The following RBM10 variants were observed in gnomAD, a reference collection of about 807,000 sequenced individuals.
The protein encoded by RBM10 is RNA-binding protein 10.
In RBM10, 1 loss-of-function variant was observed where a neutral mutation model predicts 84.9. The observed-to-expected ratio is 0.01, with a 90% CI of 0.00 to 0.06. The LOEUF (loss-of-function observed/expected upper bound fraction) is 0.06. Ranked by LOEUF, RBM10 falls within the 10% of genes least tolerant of loss-of-function variation. The probability of loss-of-function intolerance (pLI) is 1.00; values close to 1 mark genes in which losing one functional copy is unlikely to be tolerated. For missense variants in RBM10, 438 were observed against 839.0 expected, an observed-to-expected ratio of 0.52 and a Z score of 5.90; for synonymous variants, 326 against 344.5, an observed-to-expected ratio of 0.95 and a Z score of 0.60.
intron 7 of RBM10, among the ~76,000 whole-genome samples, chrX:47,177,935 T>C (rs1418626003): frequency 9.0e-6 from 1 of 111,570 alleles, no homozygotes; most frequent in Non-Finnish European, 1.9e-5. Context: ...GGGAATTCTC[T>C]TGAACTCCTT....
intron 2 of RBM10, among the ~76,000 whole-genome samples, chrX:47,154,490 C>T (rs1181858837): frequency 9.3e-6 from 1 of 107,154 alleles, no homozygotes; most frequent in Non-Finnish European, 1.9e-5. Flanking sequence ...CTCACTCTGT[C>T]TTCCAGGCTG....
intron 17 of RBM10, 141 bp downstream of exon 17, chrX:47,182,467 T>C: frequency 3.3e-6 from 3 of 920,646 alleles, no homozygotes; most frequent in Non-Finnish European, 4.6e-6. Flanking sequence ...CAGACCATGC[T>C]CTTGCCCCAG....
intron 6 of RBM10, among the ~76,000 whole-genome samples, chrX:47,175,861 A>T (rs1935096184): frequency 9.1e-6 from 1 of 109,787 alleles, no homozygotes. Context: ...ACCCCTGCCC[A>T]GATCCCTGGT....
chrX:47,186,627 G>A lies in RBM10; in HGVS notation c.*28G>A, dbSNP rs782456958. The A allele has an allele frequency of 4.2e-5, 51 of 1,209,011 alleles. No individual in the cohort carries two copies. Among genetic ancestry groups the A allele is most frequent in the Non-Finnish European group, 5.5e-5 (49 of 894,462 alleles). On this transcript the variant is annotated 3_prime_UTR_variant, in exon 24 of 24. Coordinates refer to ENST00000377604, the MANE Select transcript of RBM10 (RefSeq NM_005676.5). ...AGCTTCAAGAGCAACTTCTCCACAT[G>A]TTGGGTGTCCATCCTGGGGCAGGGA... is the stretch of plus-strand genomic sequence containing the variant.
At chrX:47,172,723 G>A (rs1556773932) in intron 4 of RBM10, among the ~76,000 whole-genome samples, 7 of 112,173 alleles carry the variant, frequency 6.2e-5, no homozygotes, top group African/African-American at 3.2e-5. Context: ...GCGGGGGTGC[G>A]GGTTATCCCC....
rs959879982 is a variant in RBM10 at position 47,172,616 on chromosome X, G to A, written c.433-512G>A. Among the ~76,000 whole-genome samples, 3 of 112,641 alleles carry A rather than the reference G, an allele frequency of 2.7e-5. No individual in the cohort carries two copies. In the South Asian group the frequency reaches 1.1e-3, roughly 41 times the overall value. On this transcript the variant is annotated intron_variant, in intron 4 of 23. Coordinates refer to ENST00000377604, the MANE Select transcript of RBM10 (RefSeq NM_005676.5). ...GTTATTGCTACAGTCATGGTCTAGG[G>A]CACATGGCTGGGATTTGCTCAGACT...
intron 5 of RBM10, 124 bp downstream of exon 5, chrX:47,173,321 C>T: frequency 1.1e-5 from 13 of 1,157,485 alleles, no homozygotes; most frequent in African/African-American, 1.8e-5. Flanking sequence ...GAATGGGCAG[C>T]GTGGGGGGTG....
chrX:47,149,817 A>ATTTT (rs1219884284), intron 2 of RBM10, among the ~76,000 whole-genome samples: 4 of 86,066 alleles, frequency 4.6e-5, no homozygotes, highest in Admixed American at 2.7e-4. Flanking sequence ...TGCTAGCATC[A>ATTTT]TTTTTTTTTT....
At chrX:47,145,516 G>A (rs1932040403) in intron 1 of RBM10, 31 bp downstream of exon 1, 3 of 1,148,084 alleles carry the variant, frequency 2.6e-6, no homozygotes, top group Admixed American at 2.6e-5. Context: ...TGGGGGCGGA[G>A]GTAAGGGGCC....
At chrX:47,163,562 C>T (rs797041977) in intron 2 of RBM10, among the ~76,000 whole-genome samples, 5 of 111,590 alleles carry the variant, frequency 4.5e-5, no homozygotes, top group Admixed American at 9.6e-5. Flanking sequence ...TCATGTGATC[C>T]GCCCGTCTTG....
chrX:47,171,779 T>A (rs1556773438), intron 4 of RBM10, among the ~76,000 whole-genome samples: 1 of 111,844 alleles, frequency 8.9e-6, no homozygotes, highest in Non-Finnish European at 1.9e-5. Context: ...TCCTCCTGTT[T>A]CCTTTTCATA....
At chrX:47,154,296 C>T (rs1556764439) in intron 2 of RBM10, among the ~76,000 whole-genome samples, 1 of 111,439 alleles carries the variant, frequency 9.0e-6, no homozygotes, top group Admixed American at 9.6e-5. Context: ...AATATGTTCC[C>T]TTCCTGAGTT....
At position 47,145,358 on chromosome X, in the gene RBM10, G is replaced by A. The variant is rs181770538; in HGVS notation, c.-253G>A. The A allele has an allele frequency of 1.7e-5, 17 of 992,692 alleles. No individual in the cohort carries two copies. The African/African-American group carries it at 1.9e-4, about 11-fold the overall frequency. 81.8% of individuals were successfully genotyped at this position (992,692 alleles called of 1,213,427 possible). A position where few individuals can be genotyped will look rare whatever the true frequency, so the allele number is the denominator to read the frequency against. ...CGCTTGGCGCTTCTCCCCTCCCCCCGATCTGCCTCCAGTCTCGGACTTGGT... is the reference window on the plus strand; with the variant it reads ...CGCTTGGCGCTTCTCCCCTCCCCCCAATCTGCCTCCAGTCTCGGACTTGGT... On this transcript the variant is annotated 5_prime_UTR_variant, in exon 1 of 24. Transcript: ENST00000377604.
intron 17 of RBM10, among the ~76,000 whole-genome samples, chrX:47,182,594 T>C (rs1354999844): frequency 1.8e-5 from 2 of 112,880 alleles, no homozygotes; most frequent in Non-Finnish European, 3.8e-5. Context: ...GTGTCTTCTG[T>C]CCCATGGTGG....
chrX:47,154,012 C>T (rs1932904605), intron 2 of RBM10, among the ~76,000 whole-genome samples: 1 of 111,471 alleles, frequency 9.0e-6, no homozygotes, highest in African/African-American at 3.3e-5. Context: ...AAGCCATGAT[C>T]ATGCCACTGC....
At chrX:47,148,114 A>G (rs1932453080) in intron 2 of RBM10, among the ~76,000 whole-genome samples, 1 of 112,072 alleles carries the variant, frequency 8.9e-6, no homozygotes, top group South Asian at 3.6e-4. Context: ...GAAAGCCTCT[A>G]TTAAGACTCA....
At chrX:47,170,530 C>A (rs1180046538) in intron 3 of RBM10, among the ~76,000 whole-genome samples, 2 of 112,950 alleles carry the variant, frequency 1.8e-5, no homozygotes, top group Non-Finnish European at 3.8e-5. Flanking sequence ...CTCACACCAC[C>A]TCCACCAGCT....
chrX:47,154,714 G>A (rs1383821882), intron 2 of RBM10, among the ~76,000 whole-genome samples: 1 of 110,180 alleles, frequency 9.1e-6, no homozygotes, highest in Non-Finnish European at 1.9e-5. Flanking sequence ...GCCTCCGAAA[G>A]TGCTGGGATT....
At chrX:47,160,283 G>A (rs782416412) in intron 2 of RBM10, among the ~76,000 whole-genome samples, 13 of 112,564 alleles carry the variant, frequency 1.2e-4, no homozygotes, top group African/African-American at 3.9e-4. Flanking sequence ...AACAGCTTCT[G>A]CACAGCAAAA....
Sources: allele counts gnomAD v4.1 joint callset (sites outside exome capture counted in the v4.1 genomes callset), GRCh38; gene constraint gnomAD v4.1.1; transcripts MANE v1.5; gene names NCBI Gene and HGNC (gene_info 2026-07-23, HGNC 2026-07-21).